The following EREG variants were observed in gnomAD, a reference collection of about 807,000 sequenced individuals.
EREG encodes the protein epiregulin, also known as proepiregulin.
EREG carries 23 observed loss-of-function variants against 22.4 expected under a neutral mutation model. The ratio of observed to expected loss-of-function variants is 1.03; its 90% CI spans 0.74 to 1.46. The LOEUF (loss-of-function observed/expected upper bound fraction) is 1.46, where lower values mean the gene tolerates loss of function less well. EREG is among the 40% of genes most tolerant of loss of function. EREG has a pLI of 0.00. For missense variants in EREG, 226 were observed against 205.9 expected, an observed-to-expected ratio of 1.10 and a Z score of -0.60; for synonymous variants, 100 against 75.4, an observed-to-expected ratio of 1.33 and a Z score of -1.69.
Position 74,386,023 on chromosome 4 carries a change from A to C in EREG, c.*1215A>C. On this transcript the variant is annotated 3_prime_UTR_variant, in exon 5 of 5. Coordinates refer to ENST00000244869, the MANE Select transcript of EREG (RefSeq NM_001432.3). Reference sequence around the variant, plus strand: ...CCTTCCTGTGGAGGCTGAGATGAAAACTAGGGCTCATTTTCCTGACATTTG... The same window carrying C: ...CCTTCCTGTGGAGGCTGAGATGAAACCTAGGGCTCATTTTCCTGACATTTG... 2.7e-6 allele frequency: 1 copy of C among 370,250 alleles called. No individual in the cohort carries two copies. Among genetic ancestry groups the C allele is most frequent in the Non-Finnish European group, 4.8e-6 (1 of 207,860 alleles). 22.9% of individuals were successfully genotyped at this position (370,250 alleles called of 1,614,324 possible). A position where few individuals can be genotyped will look rare whatever the true frequency, so the allele number is the denominator to read the frequency against.
intron 3 of EREG, chr4:74,381,877 C>A (rs1263367455): frequency 7.2e-6 from 1 of 138,572 alleles, no homozygotes; most frequent in Admixed American, 7.9e-5. Context: ...CCCAGCTACT[C>A]GGGAGGCTGA....
intron 4 of EREG, among the ~76,000 whole-genome samples, chr4:74,384,429 T>C (rs2061509): frequency 0.82 from 124,870 of 152,144 alleles, 51,450 homozygotes; most frequent in African/African-American, 0.87. Flanking sequence ...AAACCTAAAA[T>C]TCAGACTTAA....
chr4:74,372,195 C>T (rs555724307), intron 1 of EREG, among the ~76,000 whole-genome samples: 10 of 152,292 alleles, frequency 6.6e-5, no homozygotes, highest in African/African-American at 2.4e-4. Context: ...CCAATGTCAA[C>T]TCAAACTATA....
At chr4:74,371,205 T>C (rs576420280) in intron 1 of EREG, among the ~76,000 whole-genome samples, 1 of 152,164 alleles carries the variant, frequency 6.6e-6, no homozygotes, top group Admixed American at 6.5e-5. Context: ...TACTTTTTTT[T>C]AATTGCTGTT....
rs1357913041 is a variant in EREG at position 74,387,409 on chromosome 4, A to G, written c.*2601A>G. The G allele has an allele frequency of 6.6e-6, 1 of 152,130 alleles. No individual in the cohort carries two copies. Among genetic ancestry groups the G allele is most frequent in the Non-Finnish European group, 1.5e-5 (1 of 68,024 alleles). The allele number at this position is 152,130 out of a possible 1,614,324, so 9.4% of individuals were successfully genotyped here. On this transcript the variant is annotated 3_prime_UTR_variant, in exon 5 of 5. Coordinates refer to ENST00000244869, the MANE Select transcript of EREG (RefSeq NM_001432.3). The stretch of plus-strand genomic sequence containing the variant: ...CAAAAGATTTATTGTAAGCATCTCA[A>G]TCTTGGTTTGTCAGTTTATCTTAAG...
intron 1 of EREG, among the ~76,000 whole-genome samples, chr4:74,370,400 T>A (rs188544736): frequency 1.3e-5 from 2 of 152,236 alleles, no homozygotes; most frequent in African/African-American, 4.8e-5. Context: ...ACCACTATGT[T>A]ATAGACTCAA....
Position 74,385,981 on chromosome 4 carries a change from G to A in EREG, c.*1173G>A, listed in dbSNP as rs1752562593. ...AATCTCAATTGAAAGCTTTTAAAAT[G>A]TAGAAACTTAAACACACCTTCCTGT... On this transcript the variant is annotated 3_prime_UTR_variant, in exon 5 of 5. Coordinates refer to ENST00000244869, the MANE Select transcript of EREG (RefSeq NM_001432.3). 2.6e-6 allele frequency: 1 copy of A among 381,260 alleles called. No individual in the cohort carries two copies. The highest frequency in any genetic ancestry group is 4.7e-6 in the Non-Finnish European group (1 of 214,832). 23.6% of individuals were successfully genotyped at this position (381,260 alleles called of 1,614,324 possible). A position where few individuals can be genotyped will look rare whatever the true frequency, so the allele number is the denominator to read the frequency against.
intron 1 of EREG, among the ~76,000 whole-genome samples, chr4:74,373,388 T>A (rs1047579798): frequency 6.6e-6 from 1 of 152,022 alleles, no homozygotes; most frequent in African/African-American, 2.4e-5. Flanking sequence ...TCAAGGAAGA[T>A]TCTATGGCTA....
chr4:74,374,332 C>T (rs1028366017), intron 1 of EREG, among the ~76,000 whole-genome samples: 2 of 152,166 alleles, frequency 1.3e-5, no homozygotes, highest in South Asian at 2.1e-4. Context: ...ATCCTAGCCT[C>T]CTCTGTACTG....
At chr4:74,381,644 G>A (rs909785447) in intron 3 of EREG, 1 of 151,984 alleles carries the variant, frequency 6.6e-6, no homozygotes, top group Non-Finnish European at 1.5e-5. Context: ...CTCTGCTTTG[G>A]ATCTTTTCCT....
intron 1 of EREG, among the ~76,000 whole-genome samples, chr4:74,367,402 T>C (rs563514373): frequency 1.3e-5 from 2 of 152,320 alleles, no homozygotes; most frequent in South Asian, 2.1e-4. Flanking sequence ...AAATAATCTA[T>C]AATTTTAGAG....
chr4:74,370,949 C>T (rs530226747), intron 1 of EREG, among the ~76,000 whole-genome samples: 1 of 152,292 alleles, frequency 6.6e-6, no homozygotes, highest in South Asian at 2.1e-4. Flanking sequence ...TCTCAGTTGA[C>T]ATTAGGGACT....
At chr4:74,380,948 A>T in intron 2 of EREG, 66 bp from the exon 3 acceptor site, 1 of 1,548,488 alleles carries the variant, frequency 6.5e-7, no homozygotes, top group African/African-American at 1.4e-5. Flanking sequence ...GGTTACTGTT[A>T]TGAAAGAGTG....
At chr4:74,365,435 C>T (rs751040644) in intron 1 of EREG, 60 bp downstream of exon 1, 316 of 1,486,620 alleles carry the variant, frequency 2.1e-4, no homozygotes, top group South Asian at 6.9e-4. Flanking sequence ...AGGAAGGCTC[C>T]TGTGCATTTG....
At position 74,365,324 on chromosome 4, in the gene EREG, AG is replaced by A; in HGVS notation, c.18del (p.Met7TrpfsTer29). On this transcript the variant is annotated frameshift_variant, in exon 1 of 5. Coordinates refer to ENST00000244869, the MANE Select transcript of EREG (RefSeq NM_001432.3). LOFTEE classifies it high-confidence loss of function. Reference protein sequence around the residue: MTAGRRMEMLCAGRVP... With the variant: MTAGRXMEMLCAGRVP... Reference sequence around the variant, plus strand: ...CCCATCGCCGATGACCGCGGGGAGGAGGATGGAGATGCTCTGTGCCGGCAGG... The same window carrying A: ...CCCATCGCCGATGACCGCGGGGAGGAGATGGAGATGCTCTGTGCCGGCAGG... 1.2e-6 allele frequency: 2 copies of A among 1,606,920 alleles called. No homozygotes were observed. The highest frequency in any genetic ancestry group is 1.7e-6 in the Non-Finnish European group (2 of 1,179,884).
intron 4 of EREG, among the ~76,000 whole-genome samples, chr4:74,383,649 T>C (rs764762204): frequency 6.6e-6 from 1 of 152,164 alleles, no homozygotes; most frequent in Non-Finnish European, 1.5e-5. Context: ...TTGAAACAGT[T>C]ACAAATTACT....
At chr4:74,384,310 G>C (rs1185943700) in intron 4 of EREG, among the ~76,000 whole-genome samples, 2 of 152,118 alleles carry the variant, frequency 1.3e-5, no homozygotes, top group Non-Finnish European at 2.9e-5. Flanking sequence ...ATTTTGATTA[G>C]TGATAGCATT....
rs1230059792 is a variant in EREG, at chr4:74,385,650, G to C, written c.*842G>C. 8 of 348,358 alleles carry C rather than the reference G, an allele frequency of 2.3e-5. No homozygotes were observed. The highest frequency in any genetic ancestry group is 4.1e-5 in the Non-Finnish European group (8 of 194,842). 21.6% of individuals were successfully genotyped at this position (348,358 alleles called of 1,614,324 possible). A position where few individuals can be genotyped will look rare whatever the true frequency, so the allele number is the denominator to read the frequency against. On this transcript the variant is annotated 3_prime_UTR_variant, in exon 5 of 5. Coordinates refer to ENST00000244869, the MANE Select transcript of EREG (RefSeq NM_001432.3). Reference sequence around the variant, plus strand: ...AAGTCCACACTTGAAGCCTAAATTTGTGCTTTTTAAGAATATTTTTAGACT... The same window carrying C: ...AAGTCCACACTTGAAGCCTAAATTTCTGCTTTTTAAGAATATTTTTAGACT...
Position 74,385,303 on chromosome 4 carries a change from T to A in EREG, c.*495T>A, listed in dbSNP as rs1339413637. On this transcript the variant is annotated 3_prime_UTR_variant, in exon 5 of 5. Transcript: ENST00000244869. ...ATTAAAACAATAATGCAATTAGAATTTGGGAGAAGCAAATATAGGTCCTGT... is the reference window on the plus strand; with the variant it reads ...ATTAAAACAATAATGCAATTAGAATATGGGAGAAGCAAATATAGGTCCTGT... 1 of 153,498 alleles carries A rather than the reference T, an allele frequency of 6.5e-6. No homozygotes were observed. Among genetic ancestry groups the A allele is most frequent in the African/African-American group, 2.4e-5 (1 of 41,466 alleles). The allele number at this position is 153,498 out of a possible 1,614,324, so 9.5% of individuals were successfully genotyped here. A position where few individuals can be genotyped will look rare whatever the true frequency, so the allele number is the denominator to read the frequency against.
Sources: gnomAD v4.1 joint callset for allele counts (sites outside exome capture counted in the v4.1 genomes callset) on GRCh38, gnomAD v4.1.1 for gene constraint, MANE v1.5 for transcripts, NCBI Gene and HGNC (gene_info 2026-07-23, HGNC 2026-07-21) for gene names.